Variants in METTL14 observed in about 807,000 individuals in gnomAD.
METTL14 encodes the protein methyltransferase 14, N6-adenosine-methyltransferase non-catalytic subunit, also known as N(6)-adenosine-methyltransferase non-catalytic subunit METTL14.
In METTL14, 32 loss-of-function variants were observed where a neutral mutation model predicts 62.4. The observed-to-expected ratio is 0.51, with a 90% CI of 0.39 to 0.69. METTL14 has a LOEUF of 0.69. Among genes scored for constraint, METTL14 ranks in the 30% least tolerant of loss-of-function variants. METTL14 has a pLI of 0.00. For missense variants in METTL14, 340 were observed against 551.9 expected, an observed-to-expected ratio of 0.62 and a Z score of 3.85; for synonymous variants, 150 against 180.0, an observed-to-expected ratio of 0.83 and a Z score of 1.34.
chr4:118,696,938 TTTAA>T (rs1330051840), intron 6 of METTL14, among the ~76,000 whole-genome samples: 1 of 152,156 alleles, frequency 6.6e-6, no homozygotes, highest in Non-Finnish European at 1.5e-5. Context: ...TACTATGTAG[TTTAA>T]TTACGTTCAT....
At position 118,709,543 on chromosome 4, in the gene METTL14, A is replaced by T. The variant is rs116444823; in HGVS notation, c.1067-455A>T. On this transcript the variant is annotated intron_variant, in intron 10 of 10. Transcript: ENST00000388822. ...AAATGGAAAGATAGGAATGAGTGGG[A>T]GTAACATGGTAGTGGTTGAATTTCT... Among the ~76,000 whole-genome samples, 497 of 152,286 alleles carry T rather than the reference A, an allele frequency of 3.3e-3. 1 individual carries two copies. Among genetic ancestry groups the T allele is most frequent in the Non-Finnish European group, 3.7e-3 (249 of 68,028 alleles).
chr4:118,688,228 G>A (rs1724136355), intron 2 of METTL14, among the ~76,000 whole-genome samples: 1 of 152,046 alleles, frequency 6.6e-6, no homozygotes, highest in African/African-American at 2.4e-5. Flanking sequence ...CAGGAAGTCG[G>A]GAGTTCGAGG....
chr4:118,709,307 A>G (rs1203222361), intron 10 of METTL14, among the ~76,000 whole-genome samples: 2 of 152,194 alleles, frequency 1.3e-5, no homozygotes, highest in Non-Finnish European at 2.9e-5. Flanking sequence ...ATATTTATGA[A>G]TTTGGGCTTT....
intron 8 of METTL14, among the ~76,000 whole-genome samples, chr4:118,700,871 A>C (rs146856192): frequency 1.9e-3 from 294 of 152,320 alleles, no homozygotes; most frequent in African/African-American, 6.7e-3. Context: ...AAGACACTTC[A>C]TTACAAGTAC....
Position 118,710,656 on chromosome 4 carries a change from C to T in METTL14, c.*354C>T, listed in dbSNP as rs1349071141. 2.3e-5 allele frequency: 4 copies of T among 174,426 alleles called. No individual in the cohort carries two copies. Among genetic ancestry groups the T allele is most frequent in the Admixed American group, 5.9e-5 (1 of 17,042 alleles). The allele number at this position is 174,426 out of a possible 1,614,324, so 10.8% of individuals were successfully genotyped here. On this transcript the variant is annotated 3_prime_UTR_variant, in exon 11 of 11. Coordinates refer to ENST00000388822, the MANE Select transcript of METTL14 (RefSeq NM_020961.4). ...AAAAGATCCAGTCTGTGGTATCATG[C>T]TAGTGCTGACAGGGCCTTGATAGAA...
rs1307488809 is a variant in METTL14, at chr4:118,710,467, C to G, written c.*165C>G. 1 of 668,286 alleles carries G rather than the reference C, an allele frequency of 1.5e-6. No homozygotes were observed. The highest frequency in any genetic ancestry group is 2.5e-6 in the Non-Finnish European group (1 of 403,480). 41.4% of individuals were successfully genotyped at this position (668,286 alleles called of 1,614,324 possible). A position where few individuals can be genotyped will look rare whatever the true frequency, so the allele number is the denominator to read the frequency against. On this transcript the variant is annotated 3_prime_UTR_variant, in exon 11 of 11. Coordinates refer to ENST00000388822, the MANE Select transcript of METTL14 (RefSeq NM_020961.4). ...GAGCCTTGCTTGCAGTTGTCACACA[C>G]ACTGTCTGGTTTTTTTCAGGATAAA... is the stretch of plus-strand genomic sequence containing the variant.
intron 6 of METTL14, 24 bp from the exon 7 acceptor site, chr4:118,697,157 CA>C (rs1724436803): frequency 6.5e-7 from 1 of 1,548,152 alleles, no homozygotes; most frequent in Non-Finnish European, 8.7e-7. Flanking sequence ...TTAAAAACCT[CA>C]TTTTTAATGC....
In METTL14 at chr4:118,685,482, A is replaced by T. The variant is rs1724015768; in HGVS notation, c.-53A>T. ...AGACTCGGAAGAAAGGTTGGATAAG[A>T]GTTCACTGGAGATTGACAAGTACTC... On this transcript the variant is annotated 5_prime_UTR_variant, in exon 1 of 11. Coordinates refer to ENST00000388822, the MANE Select transcript of METTL14 (RefSeq NM_020961.4). 1.3e-6 allele frequency: 2 copies of T among 1,528,986 alleles called. No individual in the cohort carries two copies. Among genetic ancestry groups the T allele is most frequent in the Non-Finnish European group, 1.8e-6 (2 of 1,102,394 alleles). The allele number at this position is 1,528,986 out of a possible 1,614,324, so 94.7% of individuals were successfully genotyped here.
intron 6 of METTL14, among the ~76,000 whole-genome samples, chr4:118,695,802 A>G (rs937925696): frequency 3.9e-5 from 6 of 152,074 alleles, no homozygotes; most frequent in Non-Finnish European, 8.8e-5. Flanking sequence ...GGTTTTGTAC[A>G]TTTAATGATA....
At chr4:118,709,671 T>C (rs1724860692) in intron 10 of METTL14, among the ~76,000 whole-genome samples, 1 of 152,162 alleles carries the variant, frequency 6.6e-6, no homozygotes, top group Admixed American at 6.5e-5. Context: ...AATAGGAAGA[T>C]TATATATAAT....
chr4:118,699,979 C>G (rs377320792), intron 7 of METTL14, among the ~76,000 whole-genome samples: 2 of 151,610 alleles, frequency 1.3e-5, no homozygotes, highest in South Asian at 4.1e-4. Context: ...CTTAAGAACA[C>G]AAGCATTAAA....
intron 10 of METTL14, among the ~76,000 whole-genome samples, chr4:118,708,443 C>T (rs369457721): frequency 2.0e-5 from 3 of 152,142 alleles, no homozygotes; most frequent in African/African-American, 7.2e-5. Flanking sequence ...ATAAAAATCT[C>T]ATAGGTTTAA....
chr4:118,693,709 A>G (rs1339380086), intron 5 of METTL14, among the ~76,000 whole-genome samples: 1 of 152,180 alleles, frequency 6.6e-6, no homozygotes, highest in African/African-American at 2.4e-5. Context: ...CAAAGAAAAC[A>G]TACTTAGAAA....
chr4:118,703,823 G>T, intron 8 of METTL14, 112 bp from the exon 9 acceptor site: 1 of 585,250 alleles, frequency 1.7e-6, no homozygotes, highest in Non-Finnish European at 2.9e-6. Flanking sequence ...TGAAACCTTG[G>T]AATATAGTGT....
At chr4:118,686,547 C>T in intron 1 of METTL14, 1 of 453,802 alleles carries the variant, frequency 2.2e-6, no homozygotes, top group South Asian at 1.6e-5. Flanking sequence ...GTCTGATGAA[C>T]AGATTTGTGG....
intron 6 of METTL14, among the ~76,000 whole-genome samples, chr4:118,696,091 C>T (rs1042217246): frequency 4.1e-5 from 5 of 120,860 alleles, no homozygotes; most frequent in Non-Finnish European, 8.2e-5. Flanking sequence ...TGCACTCCAG[C>T]CTGGCAACAG....
At position 118,693,999 on chromosome 4, in the gene METTL14, C is replaced by T. The variant is rs2171740; in HGVS notation, c.413-437C>T. On this transcript the variant is annotated intron_variant, in intron 5 of 10. Coordinates refer to ENST00000388822, the MANE Select transcript of METTL14 (RefSeq NM_020961.4). The stretch of plus-strand genomic sequence containing the variant: ...TGGGAAGAAAAGAAACACTCATTTT[C>T]TTTGCTTTGAATAACTATCCAAGAA... 3.4e-5 allele frequency among the ~76,000 whole-genome samples: 5 copies of T among 148,632 alleles called. No homozygotes were observed. In the East Asian group the frequency reaches 5.9e-4, roughly 18 times the overall value.
chr4:118,691,250 C>G (rs1292474948), intron 3 of METTL14, among the ~76,000 whole-genome samples: 1 of 152,020 alleles, frequency 6.6e-6, no homozygotes, highest in East Asian at 1.9e-4. Flanking sequence ...TCAAACTAGA[C>G]TCTAACACTT....
At chr4:118,698,012 G>A (rs1342468512) in intron 7 of METTL14, among the ~76,000 whole-genome samples, 1 of 152,180 alleles carries the variant, frequency 6.6e-6, no homozygotes, top group African/African-American at 2.4e-5. Flanking sequence ...GGTTGGTATT[G>A]TTGGAACACA....
Sources: gnomAD v4.1 joint callset for allele counts (sites outside exome capture counted in the v4.1 genomes callset) on GRCh38, gnomAD v4.1.1 for gene constraint, MANE v1.5 for transcripts, NCBI Gene and HGNC (gene_info 2026-07-23, HGNC 2026-07-21) for gene names.